The following SSH2 variants were observed in gnomAD, a reference collection of about 807,000 sequenced individuals.
SSH2 encodes the protein slingshot protein phosphatase 2, also known as protein phosphatase Slingshot homolog 2.
Under a neutral mutation model 135.2 loss-of-function variants are expected in SSH2, and 37 were observed. That is an observed-to-expected ratio of 0.27 (90% CI 0.21 to 0.36). The LOEUF (loss-of-function observed/expected upper bound fraction) is 0.36, where lower values mean the gene tolerates loss of function less well. SSH2 is among the 10% of genes least tolerant of loss of function. The pLI is 1.00. For missense variants in SSH2, 1,408 were observed against 1,765.3 expected (o/e 0.80, Z 3.63); for synonymous variants, 628 against 646.2 (o/e 0.97, Z 0.43).
In SSH2 at chr17:29,743,247, A is replaced by G. The variant is rs2040632928; in HGVS notation, c.189-40185T>C. ...TCATTTTTAAGCTGAGTTCATTATC[A>G]ACTTTACTGTATATAATGGTAGAGA... On this transcript the variant is annotated intron_variant, in intron 3 of 15. Coordinates refer to ENST00000540801, the MANE Select transcript of SSH2 (RefSeq NM_001282129.2). Among the ~76,000 whole-genome samples, 3 of 152,166 alleles carry G rather than the reference A, an allele frequency of 2.0e-5. No individual in the cohort carries two copies. The South Asian group carries it at 6.2e-4, about 32-fold the overall frequency.
intron 2 of SSH2, among the ~76,000 whole-genome samples, chr17:29,797,930 A>AG (rs1421569074): frequency 6.6e-6 from 1 of 152,012 alleles, no homozygotes; most frequent in East Asian, 1.9e-4. Flanking sequence ...TCTTTTGTGA[A>AG]GTTTTTTTTT....
intron 3 of SSH2, among the ~76,000 whole-genome samples, chr17:29,768,395 C>A (rs2041497228): frequency 6.6e-6 from 1 of 150,762 alleles, no homozygotes; most frequent in Admixed American, 6.7e-5. Flanking sequence ...TGGGCTCAAG[C>A]AGTTCTCCTG....
At chr17:29,878,388 T>C (rs187143312) in intron 1 of SSH2, among the ~76,000 whole-genome samples, 2 of 151,750 alleles carry the variant, frequency 1.3e-5, no homozygotes, top group East Asian at 2.0e-4. Context: ...GATTGTGCCA[T>C]TGCACTCCAG....
chr17:29,717,220 C>G (rs1046508465), intron 3 of SSH2, among the ~76,000 whole-genome samples: 1 of 152,240 alleles, frequency 6.6e-6, no homozygotes, highest in Non-Finnish European at 1.5e-5. Flanking sequence ...ACTGCAGCCT[C>G]AACCTCACAG....
intron 3 of SSH2, among the ~76,000 whole-genome samples, chr17:29,738,844 A>G (rs574074730): frequency 2.2e-4 from 33 of 152,186 alleles, no homozygotes; most frequent in South Asian, 6.2e-4. Context: ...GTGAGCCACC[A>G]CGCCCGGCCT....
At chr17:29,685,852 C>CTT (rs765821581) in intron 5 of SSH2, among the ~76,000 whole-genome samples, 2 of 139,952 alleles carry the variant, frequency 1.4e-5, no homozygotes, top group African/African-American at 2.6e-5. Flanking sequence ...TTTTCTTTTT[C>CTT]TTTTTTTTTT....
chr17:29,695,849 A>C (rs1004536363), intron 4 of SSH2, among the ~76,000 whole-genome samples: 36 of 152,216 alleles, frequency 2.4e-4, no homozygotes, highest in African/African-American at 7.9e-4. Flanking sequence ...CAGAGGTAGC[A>C]CCCACTGGCT....
At chr17:29,739,529 A>G (rs955495982) in intron 3 of SSH2, among the ~76,000 whole-genome samples, 10 of 152,238 alleles carry the variant, frequency 6.6e-5, no homozygotes, top group Admixed American at 3.3e-4. Context: ...CCCAAAAAGA[A>G]AACTTTGAAT....
rs190397360 is a variant in SSH2, at chr17:29,691,786, G to A, written c.357+3673C>T. On this transcript the variant is annotated intron_variant, in intron 5 of 15. Coordinates refer to ENST00000540801, the MANE Select transcript of SSH2 (RefSeq NM_001282129.2). ...ATTATAGGCGTGAGCCACTGTGCCC[G>A]GCTTATTTTCAATGCTAAAGCAAAA... Among the ~76,000 whole-genome samples, 21 of 151,372 alleles carry A rather than the reference G, an allele frequency of 1.4e-4. No homozygotes were observed. In the East Asian group the frequency reaches 3.6e-3, roughly 26 times the overall value.
In SSH2 at chr17:29,686,419, TG is replaced by T. The variant is rs1311365989; in HGVS notation, c.358-1736del. Among the ~76,000 whole-genome samples, 4 of 151,776 alleles carry T rather than the reference TG, an allele frequency of 2.6e-5. No individual in the cohort carries two copies. The East Asian group carries it at 7.7e-4, about 29-fold the overall frequency. ...CTCTGCCTCTCAGGCTGGAGTGCAG[TG>T]GTGTGATCTCGGCTCACTGCAACCT... On this transcript the variant is annotated intron_variant, in intron 5 of 15. Transcript: ENST00000540801.
intron 1 of SSH2, among the ~76,000 whole-genome samples, chr17:29,871,492 T>A (rs934355788): frequency 6.6e-6 from 1 of 152,256 alleles, no homozygotes; most frequent in African/African-American, 2.4e-5. Flanking sequence ...TTTGAAAATA[T>A]ACTCTCTTGC....
intron 3 of SSH2, among the ~76,000 whole-genome samples, chr17:29,743,610 C>T (rs866725493): frequency 1.2e-4 from 19 of 152,134 alleles, no homozygotes; most frequent in African/African-American, 3.4e-4. Context: ...GAATAAGCCC[C>T]GGCACACTAA....
chr17:29,880,405 T>C (rs1384262700), intron 1 of SSH2, among the ~76,000 whole-genome samples: 2 of 152,182 alleles, frequency 1.3e-5, no homozygotes, highest in Non-Finnish European at 2.9e-5. Context: ...CCTCCCAAAG[T>C]GCTGGGATTA....
intron 1 of SSH2, among the ~76,000 whole-genome samples, chr17:29,860,452 T>C (rs963672809): frequency 6.7e-6 from 1 of 149,264 alleles, no homozygotes; most frequent in Non-Finnish European, 1.5e-5. Flanking sequence ...TTTTTTTTTT[T>C]TTTTTTGAGA....
intron 2 of SSH2, among the ~76,000 whole-genome samples, chr17:29,826,770 G>C (rs1404517688): frequency 6.6e-6 from 1 of 152,118 alleles, no homozygotes; most frequent in Admixed American, 6.5e-5. Context: ...CTTGGGTCAT[G>C]TGCCACCATA....
intron 14 of SSH2, among the ~76,000 whole-genome samples, chr17:29,639,143 C>A (rs141702280): frequency 3.0e-4 from 46 of 152,174 alleles, no homozygotes; most frequent in African/African-American, 1.0e-3. Context: ...TAAGGAGACA[C>A]GTGGAAAAAG....
intron 2 of SSH2, among the ~76,000 whole-genome samples, chr17:29,819,789 A>T (rs2042620948): frequency 6.6e-6 from 1 of 152,212 alleles, no homozygotes; most frequent in Non-Finnish European, 1.5e-5. Context: ...TCCACTGGGA[A>T]GTAGGCAGTC....
chr17:29,922,275 T>C (rs2066989234), intron 1 of SSH2, among the ~76,000 whole-genome samples: 1 of 152,190 alleles, frequency 6.6e-6, no homozygotes, highest in African/African-American at 2.4e-5. Context: ...AAGGTCTCAC[T>C]AGCAATTCAA....
chr17:29,732,030 C>T (rs1054590511), intron 3 of SSH2, among the ~76,000 whole-genome samples: 6 of 152,070 alleles, frequency 3.9e-5, no homozygotes, highest in Non-Finnish European at 7.4e-5. Context: ...GGTGATTTTA[C>T]GCTCACAAAA....
Sources: gnomAD v4.1 joint callset for allele counts (sites outside exome capture counted in the v4.1 genomes callset) on GRCh38, gnomAD v4.1.1 for gene constraint, MANE v1.5 for transcripts, NCBI Gene and HGNC (gene_info 2026-07-23, HGNC 2026-07-21) for gene names.